PARN: variants seen among roughly 807,000 people sequenced by gnomAD.
The protein encoded by PARN is poly(A)-specific ribonuclease PARN.
In PARN, 71 loss-of-function variants were observed where a neutral mutation model predicts 102.8. That is an observed-to-expected ratio of 0.69 (90% CI 0.57 to 0.84). PARN has a LOEUF of 0.84. Among genes scored for constraint, PARN ranks in the 40% least tolerant of loss-of-function variants. PARN has a pLI of 0.00. For missense variants in PARN, 782 were observed against 760.9 expected (o/e 1.03, Z -0.33); for synonymous variants, 261 against 252.9 (o/e 1.03, Z -0.30).
chr16:14,473,682 G>C (rs1962877788), intron 22 of PARN, among the ~76,000 whole-genome samples: 1 of 152,142 alleles, frequency 6.6e-6, no homozygotes, highest in South Asian at 2.1e-4. Flanking sequence ...AGTCAACACA[G>C]AGCTTCCTGG....
intron 21 of PARN, among the ~76,000 whole-genome samples, chr16:14,533,344 G>A (rs1239042553): frequency 6.6e-6 from 1 of 151,856 alleles, no homozygotes; most frequent in Non-Finnish European, 1.5e-5. Flanking sequence ...GCAGTGAGCC[G>A]AGATGGCAGC....
intron 22 of PARN, among the ~76,000 whole-genome samples, chr16:14,463,037 T>C (rs1962084797): frequency 1.3e-5 from 2 of 152,258 alleles, no homozygotes; most frequent in Non-Finnish European, 2.9e-5. Flanking sequence ...GGGTGAGCAA[T>C]TCCCCAGGGC....
chr16:14,507,391 T>C (rs1157555535), intron 21 of PARN, among the ~76,000 whole-genome samples: 2 of 151,670 alleles, frequency 1.3e-5, no homozygotes, highest in Non-Finnish European at 2.9e-5. Context: ...GACTCTATCA[T>C]GTAATCAACA....
At chr16:14,487,813 G>A (rs1963801788) in intron 21 of PARN, among the ~76,000 whole-genome samples, 1 of 152,184 alleles carries the variant, frequency 6.6e-6, no homozygotes, top group Non-Finnish European at 1.5e-5. Flanking sequence ...TATCCTGATT[G>A]CAGTGCTGAT....
At chr16:14,536,118 A>G (rs929234047) in intron 21 of PARN, among the ~76,000 whole-genome samples, 2 of 152,312 alleles carry the variant, frequency 1.3e-5, no homozygotes, top group Non-Finnish European at 2.9e-5. Context: ...TAGTTCCATC[A>G]CCCTGAAAGA....
At chr16:14,587,696 A>C (rs894059457) in intron 13 of PARN, among the ~76,000 whole-genome samples, 3 of 152,244 alleles carry the variant, frequency 2.0e-5, no homozygotes, top group African/African-American at 7.2e-5. Flanking sequence ...ATGGAAAAAA[A>C]CAAAACAAAA....
At position 14,630,236 on chromosome 16, in the gene PARN, G is replaced by A; in HGVS notation, c.-111C>T. Reference sequence around the variant, plus strand: ...CAGTAGCTGAGGCAGCCGCAGCGGTGACGCCGGCCGCGACTTCCGGAAACA... The same window carrying A: ...CAGTAGCTGAGGCAGCCGCAGCGGTAACGCCGGCCGCGACTTCCGGAAACA... On this transcript the variant is annotated 5_prime_UTR_variant, in exon 1 of 24. Coordinates refer to ENST00000437198, the MANE Select transcript of PARN (RefSeq NM_002582.4). 3 of 951,324 alleles carry A rather than the reference G, an allele frequency of 3.2e-6. No individual in the cohort carries two copies. Among genetic ancestry groups the A allele is most frequent in the East Asian group, 2.9e-5 (1 of 34,908 alleles). The allele number at this position is 951,324 out of a possible 1,614,324, so 58.9% of individuals were successfully genotyped here.
Position 14,446,954 on chromosome 16 carries a change from G to A in PARN, c.1798C>T (p.Pro600Ser). 6.2e-7 allele frequency: 1 copy of A among 1,613,264 alleles called. No individual in the cohort carries two copies. Among genetic ancestry groups the A allele is most frequent in the Non-Finnish European group, 8.5e-7 (1 of 1,179,340 alleles). Residue 600 changes from proline to serine, a missense_variant, in exon 23 of 24, where the codon CCC becomes TCC. Transcript: ENST00000437198. ...ELEQTDSCAE[P>S]LSEGRKKAKK... Reference sequence around the variant, plus strand: ...GCCTTTTTCCTTCCCTCTGAGAGGGGCTCTGCACAGGAATCGGTCTGCTCA... The same window carrying A: ...GCCTTTTTCCTTCCCTCTGAGAGGGACTCTGCACAGGAATCGGTCTGCTCA...
intron 23 of PARN, among the ~76,000 whole-genome samples, chr16:14,445,618 G>A (rs1961166864): frequency 6.6e-6 from 1 of 152,216 alleles, no homozygotes; most frequent in Non-Finnish European, 1.5e-5. Flanking sequence ...ATGGAGTGCA[G>A]TGGCGCAATC....
intron 18 of PARN, among the ~76,000 whole-genome samples, chr16:14,580,665 T>G (rs1384039344): frequency 6.6e-6 from 1 of 152,162 alleles, no homozygotes. Context: ...TAGCAATGTT[T>G]TCTTTTTTTT....
chr16:14,551,915 C>A, intron 21 of PARN, 106 bp downstream of exon 21: 2 of 655,834 alleles, frequency 3.0e-6, no homozygotes, highest in Non-Finnish European at 2.7e-6. Context: ...AACGAGGCAG[C>A]AATGAGTGTA....
Position 14,501,634 on chromosome 16 carries a change from T to A in PARN, c.1481-18807A>T, listed in dbSNP as rs1264323774. ...GAAACAAACCCCACCAACCCTCAGG[T>A]TACCAGGCAATGTGCCACCATGTTA... On this transcript the variant is annotated intron_variant, in intron 21 of 23. Coordinates refer to ENST00000437198, the MANE Select transcript of PARN (RefSeq NM_002582.4). 44 of 151,824 alleles carry A rather than the reference T, an allele frequency of 2.9e-4. 1 individual carries two copies. The highest frequency in any genetic ancestry group is 2.9e-3 in the Admixed American group (44 of 15,218). The allele number at this position is 151,824 out of a possible 1,614,324, so 9.4% of individuals were successfully genotyped here. A position where few individuals can be genotyped will look rare whatever the true frequency, so the allele number is the denominator to read the frequency against.
chr16:14,460,603 A>G (rs1327224024), intron 22 of PARN, among the ~76,000 whole-genome samples: 3 of 152,232 alleles, frequency 2.0e-5, no homozygotes, highest in Non-Finnish European at 4.4e-5. Flanking sequence ...TCGTCAAAAC[A>G]TTATTAAGTC....
chr16:14,623,608 G>T (rs577317349), intron 5 of PARN, among the ~76,000 whole-genome samples: 4 of 151,930 alleles, frequency 2.6e-5, no homozygotes, highest in African/African-American at 9.7e-5. Flanking sequence ...AGGCCAAGGC[G>T]GGTGGATCAC....
intron 13 of PARN, among the ~76,000 whole-genome samples, chr16:14,588,811 G>C (rs1970006973): frequency 6.6e-6 from 1 of 152,182 alleles, no homozygotes. Context: ...GAACTTGGGA[G>C]AGGGAGGTTG....
At chr16:14,503,262 G>A (rs1014450141) in intron 21 of PARN, among the ~76,000 whole-genome samples, 1 of 152,084 alleles carries the variant, frequency 6.6e-6, no homozygotes, top group African/African-American at 2.4e-5. Context: ...CCACATGAGG[G>A]TAGTTTATAC....
chr16:14,629,274 A>C lies in PARN; in HGVS notation c.97+323T>G, dbSNP rs537750556. Among the ~76,000 whole-genome samples the C allele has an allele frequency of 2.4e-4, 37 of 152,324 alleles. No individual in the cohort carries two copies. The South Asian group carries it at 7.3e-3, about 30-fold the overall frequency. On this transcript the variant is annotated intron_variant, in intron 2 of 23. Coordinates refer to ENST00000437198, the MANE Select transcript of PARN (RefSeq NM_002582.4). Reference sequence around the variant, plus strand: ...CACTTAAAATGGCAAATTTCATGTTATACCTATTTTACAATCAAGAAAAAA... The same window carrying C: ...CACTTAAAATGGCAAATTTCATGTTCTACCTATTTTACAATCAAGAAAAAA...
intron 21 of PARN, among the ~76,000 whole-genome samples, chr16:14,538,385 A>G (rs1265060029): frequency 6.6e-6 from 1 of 151,574 alleles, no homozygotes; most frequent in Non-Finnish European, 1.5e-5. Context: ...ATGCCCAGCT[A>G]ATTTTTGTAC....
intron 22 of PARN, among the ~76,000 whole-genome samples, chr16:14,453,781 A>G (rs1182603919): frequency 1.3e-5 from 2 of 152,216 alleles, no homozygotes; most frequent in Non-Finnish European, 2.9e-5. Flanking sequence ...TTTATTTCAT[A>G]GTATGGCTGG....
Sources: gnomAD v4.1 joint callset for allele counts (sites outside exome capture counted in the v4.1 genomes callset) on GRCh38, gnomAD v4.1.1 for gene constraint, MANE v1.5 for transcripts, NCBI Gene and HGNC (gene_info 2026-07-23, HGNC 2026-07-21) for gene names.